Variants in MUC6 observed in about 807,000 individuals in gnomAD.
The protein encoded by MUC6 is mucin 6, oligomeric mucus/gel-forming (gene/pseudogene), also known as mucin-6.
A neutral mutation model predicts 201.5 loss-of-function variants in MUC6; 188 were observed. The observed-to-expected ratio is 0.93, with a 90% CI of 0.83 to 1.05. The LOEUF (loss-of-function observed/expected upper bound fraction) is 1.05, where lower values mean the gene tolerates loss of function less well. Ranked by LOEUF, MUC6 falls within the 50% of genes least tolerant of loss-of-function variation. The probability of loss-of-function intolerance (pLI) is 0.00; values close to 1 mark genes in which losing one functional copy is unlikely to be tolerated. For missense variants in MUC6, 2,706 were observed against 3,256.9 expected (o/e 0.83, Z 4.12); for synonymous variants, 1,228 against 1,389.4 (o/e 0.88, Z 2.58).
rs1324677857 is a variant in MUC6 at position 1,012,881 on chromosome 11, G to A, written c.*575C>T. On this transcript the variant is annotated 3_prime_UTR_variant, in exon 33 of 33. Transcript: ENST00000421673. Reference sequence around the variant, plus strand: ...TGACCGGGTGACGCCCTCTCCCAAGGACAGGCTGCTGGGGATGGGTGTGGT... The same window carrying A: ...TGACCGGGTGACGCCCTCTCCCAAGAACAGGCTGCTGGGGATGGGTGTGGT... 1 of 154,492 alleles carries A rather than the reference G, an allele frequency of 6.5e-6. No homozygotes were observed. Among genetic ancestry groups the A allele is most frequent in the Non-Finnish European group, 1.4e-5 (1 of 69,536 alleles). The allele number at this position is 154,492 out of a possible 1,614,324, so 9.6% of individuals were successfully genotyped here.
rs1455128043 is a variant in MUC6 at position 1,027,958 on chromosome 11, C to A, written c.1848+7G>T. ...GCAGCCCTCCCAAGACGCCCTCGGG[C>A]CCTCACCTTGTAGAAGGGTGCAGGG... On this transcript the variant is annotated splice_region_variant and intron_variant, in intron 15 of 32. Transcript: ENST00000421673. The A allele has an allele frequency of 1.9e-6, 3 of 1,568,820 alleles. No individual in the cohort carries two copies. Among genetic ancestry groups the A allele is most frequent in the Non-Finnish European group, 2.6e-6 (3 of 1,157,350 alleles).
At position 1,031,854 on chromosome 11, in the gene MUC6, G is replaced by A. The variant is rs1185625350; in HGVS notation, c.315C>T (p.Val105=). The change falls in exon 3 of 33, where the codon GTC becomes GTT. Residue 105 remains valine (V), a synonymous_variant. Coordinates refer to ENST00000421673, the MANE Select transcript of MUC6 (RefSeq NM_005961.3). ...SRIIVELGAS[V]VTVSEAIISV... is the part of the protein sequence containing the mutation. Reference sequence around the variant, plus strand: ...AGATGATGGCTTCGCTCACAGTGACGACGGAGGCCCCCAGCTCCACGATGA... The same window carrying A: ...AGATGATGGCTTCGCTCACAGTGACAACGGAGGCCCCCAGCTCCACGATGA... 2 of 1,612,350 alleles carry A rather than the reference G, an allele frequency of 1.2e-6. No homozygotes were observed. Among genetic ancestry groups the A allele is most frequent in the Non-Finnish European group, 1.7e-6 (2 of 1,179,740 alleles).
In MUC6 at chr11:1,024,044, GCCACTGTCACAC is replaced by G; in HGVS notation, c.3273_3284del (p.Cys1092_Gly1095del). On this transcript the variant is annotated inframe_deletion, in exon 25 of 33. Transcript: ENST00000421673. ...CATCGCACAGACACTCACAGTCCCC[GCCACTGTCACAC>G]CCACATGCGTCGCGCACGCAGGCCT... 1 of 1,613,054 alleles carries G rather than the reference GCCACTGTCACAC, an allele frequency of 6.2e-7. No homozygotes were observed. Among genetic ancestry groups the G allele is most frequent in the Non-Finnish European group, 8.5e-7 (1 of 1,179,770 alleles).
chr11:1,019,134 C>G, intron 30 of MUC6, 141 bp downstream of exon 30: 4 of 1,050,884 alleles, frequency 3.8e-6, no homozygotes, highest in Non-Finnish European at 5.5e-6. Context: ...GCCTCCAGCT[C>G]CAGCCTACAC....
chr11:1,020,291 GT>G, intron 28 of MUC6, 34 bp from the exon 29 acceptor site: 2 of 1,575,934 alleles, frequency 1.3e-6, no homozygotes, highest in Non-Finnish European at 1.7e-6. Context: ...GGGCTGCAGG[GT>G]ACCGGCATAT....
intron 1 of MUC6, among the ~76,000 whole-genome samples, chr11:1,035,681 A>C (rs893917224): frequency 1.3e-5 from 2 of 151,434 alleles, no homozygotes; most frequent in African/African-American, 2.4e-5. Flanking sequence ...ACAGTGGGAC[A>C]CCCCTGGGGG....
chr11:1,027,633 C>T (rs892839744), intron 16 of MUC6, 52 bp downstream of exon 16: 6 of 1,575,490 alleles, frequency 3.8e-6, no homozygotes, highest in Admixed American at 1.8e-5. Context: ...CAGGACACCC[C>T]CTCGTGAGCC....
At position 1,021,296 on chromosome 11, in the gene MUC6, A is replaced by G; in HGVS notation, c.3527-19T>C. On this transcript the variant is annotated intron_variant, in intron 26 of 32. Transcript: ENST00000421673. ...TAGCAGCCTAGGGTGGAGAACGGCC[A>G]GGGTCTGTGTGACTGGTGGCCAGCC... is the stretch of plus-strand genomic sequence containing the variant. 6.6e-7 allele frequency: 1 copy of G among 1,513,728 alleles called. No individual in the cohort carries two copies. Among genetic ancestry groups the G allele is most frequent in the Non-Finnish European group, 8.8e-7 (1 of 1,130,172 alleles). 93.8% of individuals were successfully genotyped at this position (1,513,728 alleles called of 1,614,324 possible). A position where few individuals can be genotyped will look rare whatever the true frequency, so the allele number is the denominator to read the frequency against.
At chr11:1,029,453 C>A in intron 9 of MUC6, 42 bp downstream of exon 9, 1 of 1,607,818 alleles carries the variant, frequency 6.2e-7, no homozygotes, top group Non-Finnish European at 8.5e-7. Context: ...GCCAGTGGAA[C>A]CCCTGCCGGC....
rs772009206 is a variant in MUC6 at position 1,028,201 on chromosome 11, G to A, written c.1753+25C>T. Reference sequence around the variant, plus strand: ...ACTGTGGGCGCTGGGGGGGCAGCCAGGGGAGTGGGGGGCCGGACACTCACT... The same window carrying A: ...ACTGTGGGCGCTGGGGGGGCAGCCAAGGGAGTGGGGGGCCGGACACTCACT... On this transcript the variant is annotated intron_variant, in intron 14 of 32. Transcript: ENST00000421673. 2.6e-6 allele frequency: 4 copies of A among 1,551,840 alleles called. No individual in the cohort carries two copies. The East Asian group carries it at 7.3e-5, about 28-fold the overall frequency.
chr11:1,029,515 T>C lies in MUC6; in HGVS notation c.1116A>G (p.Thr372=). The C allele has an allele frequency of 6.2e-7, 1 of 1,612,428 alleles. No individual in the cohort carries two copies. The highest frequency in any genetic ancestry group is 2.2e-5 in the East Asian group (1 of 44,856). Reference sequence around the variant, plus strand: ...CTCACCAGGTTTGGCAGGCAGCTATTGTGACCTCCCCGGGGGCATACATGG... The same window carrying C: ...CTCACCAGGTTTGGCAGGCAGCTATCGTGACCTCCCCGGGGGCATACATGG... ...HGAMYAPGEV[T]IAACQTCRCT... is the part of the protein sequence containing the mutation. Residue 372 remains threonine (T), a synonymous_variant, in exon 9 of 33, where the codon ACA becomes ACG. Coordinates refer to ENST00000421673, the MANE Select transcript of MUC6 (RefSeq NM_005961.3).
Position 1,030,378 on chromosome 11 carries a change from C to A in MUC6, c.893-43G>T, listed in dbSNP as rs186545706. 7.9e-6 allele frequency: 12 copies of A among 1,521,392 alleles called. No homozygotes were observed. The Admixed American group carries it at 1.4e-4, about 18-fold the overall frequency. The allele number at this position is 1,521,392 out of a possible 1,614,324, so 94.2% of individuals were successfully genotyped here. A position where few individuals can be genotyped will look rare whatever the true frequency, so the allele number is the denominator to read the frequency against. On this transcript the variant is annotated intron_variant, in intron 7 of 32. Transcript: ENST00000421673. ...TCCGGTGAGAGGGTCCCACCCCCCCCACCCCTCCCTGCCCCACCCCAGCTT... is the reference window on the plus strand; with the variant it reads ...TCCGGTGAGAGGGTCCCACCCCCCCAACCCCTCCCTGCCCCACCCCAGCTT...
At chr11:1,026,257 C>G in intron 20 of MUC6, 70 bp downstream of exon 20, 1 of 1,544,158 alleles carries the variant, frequency 6.5e-7, no homozygotes, top group South Asian at 1.2e-5. Flanking sequence ...ACAGCCCCAC[C>G]CCGGGCAGCC....
At chr11:1,019,161 C>T (rs1289198098) in intron 30 of MUC6, 114 bp downstream of exon 30, 6 of 1,250,568 alleles carry the variant, frequency 4.8e-6, no homozygotes, top group East Asian at 2.5e-5. Flanking sequence ...GCTGCCTTCT[C>T]GCTTGCCCTC....
Position 1,016,020 on chromosome 11 carries a change from C to A in MUC6, c.6781G>T (p.Ala2261Ser). The A allele has an allele frequency of 6.2e-7, 1 of 1,606,956 alleles. No individual in the cohort carries two copies. Among genetic ancestry groups the A allele is most frequent in the South Asian group, 1.1e-5 (1 of 89,976 alleles). Residue 2261 changes from alanine (A) to serine (S), a missense_variant, in exon 31 of 33, where the codon GCC becomes TCC. Around this residue, in one of 10 missense-constraint regions of MUC6, gnomAD observed 586 missense variants for 488.0 expected, o/e 1.20. Coordinates refer to ENST00000421673, the MANE Select transcript of MUC6 (RefSeq NM_005961.3). ...TPRTTASTHT[A>S]PAFSSQSTTS... The stretch of plus-strand genomic sequence containing the variant: ...GTGGACTGAGAGGAGAAGGCAGGGG[C>A]GGTGTGGGTGCTGGCCGTGGTCCTG...
In MUC6 at chr11:1,027,952, C is replaced by T. The variant is rs1421557376; in HGVS notation, c.1848+13G>A. 1 of 1,566,466 alleles carries T rather than the reference C, an allele frequency of 6.4e-7. No homozygotes were observed. Among genetic ancestry groups the T allele is most frequent in the Non-Finnish European group, 8.7e-7 (1 of 1,156,058 alleles). The stretch of plus-strand genomic sequence containing the variant: ...TCCCCTGCAGCCCTCCCAAGACGCC[C>T]TCGGGCCCTCACCTTGTAGAAGGGT... On this transcript the variant is annotated intron_variant, in intron 15 of 32. Coordinates refer to ENST00000421673, the MANE Select transcript of MUC6 (RefSeq NM_005961.3).
rs767540093 is a variant in MUC6, at chr11:1,028,687, G to A, written c.1550C>T (p.Ala517Val). 6.2e-7 allele frequency: 1 copy of A among 1,611,000 alleles called. No homozygotes were observed. The highest frequency in any genetic ancestry group is 8.5e-7 in the Non-Finnish European group (1 of 1,179,142). The change falls in exon 13 of 33, where the codon GCC (alanine) becomes GTC (valine). Residue 517 changes from alanine to valine, a missense_variant. Coordinates refer to ENST00000421673, the MANE Select transcript of MUC6 (RefSeq NM_005961.3). ...LVVQLRPIFQ[A>V]YVTVGPQFRG... ...GAACTGGGGCCCAACAGTGACATAG[G>A]CCTGGAAGATGGGGCGCAGCTGGAC...
chr11:1,031,434 C>A (rs1857102358), intron 4 of MUC6, among the ~76,000 whole-genome samples, 173 bp downstream of exon 4: 1 of 152,114 alleles, frequency 6.6e-6, no homozygotes, highest in Non-Finnish European at 1.5e-5. Context: ...CCCACAAAAC[C>A]CAGTCCTGGC....
chr11:1,036,685 G>T lies in MUC6; in HGVS notation c.-30C>A. ...CACAGTGGAGAGGAGCTCGCGCTGG[G>T]CCCGGCAGGCCTGCTGCTGCCATCC... On this transcript the variant is annotated 5_prime_UTR_variant, in exon 1 of 33. Coordinates refer to ENST00000421673, the MANE Select transcript of MUC6 (RefSeq NM_005961.3). 1 of 1,542,114 alleles carries T rather than the reference G, an allele frequency of 6.5e-7. No homozygotes were observed.
Sources: allele counts gnomAD v4.1 joint callset (sites outside exome capture counted in the v4.1 genomes callset), GRCh38; gene constraint gnomAD v4.1.1; regional missense constraint gnomAD v4.1.1; transcripts MANE v1.5; gene names NCBI Gene and HGNC (gene_info 2026-07-23, HGNC 2026-07-21).